CLVS1: variants seen among roughly 807,000 people sequenced by gnomAD.
CLVS1 encodes clavesin-1.
CLVS1 carries 10 observed loss-of-function variants against 33.1 expected under a neutral mutation model. The observed-to-expected ratio is 0.30, with a 90% CI of 0.19 to 0.51. The LOEUF is 0.51. Among genes scored for constraint, CLVS1 ranks in the 20% least tolerant of loss-of-function variants. The probability of loss-of-function intolerance (pLI) is 0.97; values close to 1 mark genes in which losing one functional copy is unlikely to be tolerated. For synonymous variants in CLVS1, 163 were observed against 166.1 expected (o/e 0.98, Z 0.14); for missense variants, 343 against 433.4 (o/e 0.79, Z 1.85).
rs112012375 is a variant in CLVS1 at position 61,400,621 on chromosome 8, G to A, written c.630+23842G>A. Among the ~76,000 whole-genome samples the A allele has an allele frequency of 8.9e-3, 1,359 of 152,216 alleles. 14 individuals are homozygous for A. The highest frequency in any genetic ancestry group is 0.031 in the African/African-American group (1,274 of 41,528). ...TCCTTGTCTTGTGCCAACTTTCAAG[G>A]GGTATGCTTCCAGCTTTTGCCCATT... On this transcript the variant is annotated intron_variant, in intron 3 of 5. Coordinates refer to ENST00000325897, the MANE Select transcript of CLVS1 (RefSeq NM_173519.3).
chr8:61,390,106 A>C (rs754333917), intron 3 of CLVS1, among the ~76,000 whole-genome samples: 17 of 152,192 alleles, frequency 1.1e-4, no homozygotes, highest in Non-Finnish European at 1.9e-4. Flanking sequence ...AGTTCCTTAC[A>C]CATGCTCACT....
At chr8:61,367,968 G>C (rs1308721095) in intron 2 of CLVS1, among the ~76,000 whole-genome samples, 2 of 152,236 alleles carry the variant, frequency 1.3e-5, no homozygotes, top group African/African-American at 2.4e-5. Flanking sequence ...AGTTTTAAAA[G>C]AAGACATCGA....
intron 2 of CLVS1, among the ~76,000 whole-genome samples, chr8:61,347,644 A>C (rs1812270686): frequency 2.2e-5 from 1 of 45,626 alleles, no homozygotes; most frequent in Admixed American, 2.4e-4. Context: ...ATATATATAT[A>C]TATATATATA....
chr8:61,329,605 A>G (rs758443959), intron 2 of CLVS1, among the ~76,000 whole-genome samples: 3 of 152,256 alleles, frequency 2.0e-5, no homozygotes, highest in Non-Finnish European at 2.9e-5. Context: ...GTATCAAATT[A>G]GCACTTGTAC....
At position 61,110,511 on chromosome 8, in the gene CLVS1, T is replaced by A. The variant is rs192072716; in HGVS notation, c.-242-21259T>A. Among the ~76,000 whole-genome samples the A allele has an allele frequency of 9.8e-4, 147 of 149,894 alleles. 2 individuals carry two copies. Among genetic ancestry groups the A allele is most frequent in the African/African-American group, 3.4e-3 (141 of 40,898 alleles). ...TGAAGATCTTTTAAAAAGTGGGATT[T>A]AAAAAAAAAAGTTTTTTAATTTAAT... On this transcript the variant is annotated intron_variant, in intron 1 of 2. Transcript: ENST00000522621.
chr8:61,305,693 G>T (rs775262282), intron 2 of CLVS1, among the ~76,000 whole-genome samples: 11 of 151,576 alleles, frequency 7.3e-5, no homozygotes, highest in Admixed American at 4.6e-4. Context: ...TAGTTTTCTT[G>T]GCCCTCCCTC....
chr8:61,283,330 T>C (rs1270141305), upstream of CLVS1, among the ~76,000 whole-genome samples: 1 of 152,256 alleles, frequency 6.6e-6, no homozygotes, highest in Admixed American at 6.5e-5. Context: ...TGCTGTTTGA[T>C]GCTATGCAAT....
the CLVS1 span, among the ~76,000 whole-genome samples, chr8:61,030,587 T>C: frequency 1.4e-4 from 22 of 152,284 alleles, no homozygotes; most frequent in Middle Eastern, 3.4e-3. Context: ...TAGATGATTG[T>C]GACATTGTAA....
At chr8:61,009,368 G>A in the CLVS1 span, among the ~76,000 whole-genome samples, 24 of 152,026 alleles carry the variant, frequency 1.6e-4, no homozygotes, top group Non-Finnish European at 1.8e-4. Flanking sequence ...GGCTGGTCTC[G>A]AACTCCTGGG....
intron 3 of CLVS1, among the ~76,000 whole-genome samples, chr8:61,396,788 C>T (rs1474272470): frequency 6.6e-6 from 1 of 152,182 alleles, no homozygotes; most frequent in Admixed American, 6.5e-5. Context: ...TGGAATCATA[C>T]AATATGCGGT....
chr8:61,231,356 T>G (rs1196516399), intron 2 of CLVS1, among the ~76,000 whole-genome samples: 1 of 152,196 alleles, frequency 6.6e-6, no homozygotes, highest in African/African-American at 2.4e-5. Flanking sequence ...GATTTTCAGC[T>G]CTGGATACCC....
chr8:61,059,467 C>T (rs376409293), intron 1 of CLVS1, among the ~76,000 whole-genome samples: 42 of 22,500 alleles, frequency 1.9e-3, no homozygotes, highest in African/African-American at 6.4e-3. Flanking sequence ...CATATACATA[C>T]ATACATACAT....
rs573049265 is a variant in CLVS1, at chr8:61,337,340, C to T, written c.455+37058C>T. 3.2e-4 allele frequency among the ~76,000 whole-genome samples: 48 copies of T among 152,144 alleles called. 1 individual carries two copies. The highest frequency in any genetic ancestry group is 5.9e-4 in the Non-Finnish European group (40 of 68,018). ...GCCTTGTTTTTGCCCTCTTAGCCTC[C>T]GGTTTCTCTGTATACTTTCAGTTCA... is the stretch of plus-strand genomic sequence containing the variant. On this transcript the variant is annotated intron_variant, in intron 2 of 5. Transcript: ENST00000325897.
intron 2 of CLVS1, among the ~76,000 whole-genome samples, chr8:61,344,343 G>A (rs1401323908): frequency 3.9e-5 from 6 of 152,062 alleles, no homozygotes; most frequent in African/African-American, 9.7e-5. Flanking sequence ...CACCGCACTC[G>A]GCCTAGAGCT....
intron 1 of CLVS1, among the ~76,000 whole-genome samples, chr8:61,296,112 C>T: frequency 6.6e-6 from 1 of 152,070 alleles, no homozygotes. Context: ...TTTCTAGTGC[C>T]TTAAATATTA....
chr8:61,128,525 C>T (rs1214374133), intron 1 of CLVS1, among the ~76,000 whole-genome samples: 1 of 152,170 alleles, frequency 6.6e-6, no homozygotes, highest in Non-Finnish European at 1.5e-5. Flanking sequence ...CAATGAGAAG[C>T]CCTGATTTGA....
At chr8:61,486,017 T>G (rs912004413) in intron 5 of CLVS1, among the ~76,000 whole-genome samples, 3 of 152,022 alleles carry the variant, frequency 2.0e-5, no homozygotes, top group Admixed American at 6.6e-5. Context: ...TAATGGGTGC[T>G]GCATACCAAC....
intron 2 of CLVS1, among the ~76,000 whole-genome samples, chr8:61,205,206 G>A (rs888752832): frequency 5.9e-5 from 9 of 152,190 alleles, no homozygotes; most frequent in South Asian, 4.2e-4. Context: ...CATTAAGTCC[G>A]TTCCCATTTT....
chr8:61,108,522 C>A (rs1490210124), intron 1 of CLVS1, among the ~76,000 whole-genome samples: 1 of 152,116 alleles, frequency 6.6e-6, no homozygotes, highest in Non-Finnish European at 1.5e-5. Context: ...ATATGTGCAT[C>A]CTTAACTACA....
Sources: gnomAD v4.1 joint callset for allele counts (sites outside exome capture counted in the v4.1 genomes callset) on GRCh38, gnomAD v4.1.1 for gene constraint, MANE v1.5 for transcripts, NCBI Gene and HGNC (gene_info 2026-07-23, HGNC 2026-07-21) for gene names.